Variants in CPT1C observed in about 807,000 individuals in gnomAD.
The protein encoded by CPT1C is carnitine palmitoyltransferase 1C.
A neutral mutation model predicts 97.3 loss-of-function variants in CPT1C; 61 were observed. That is an observed-to-expected ratio of 0.63 (90% CI 0.51 to 0.78). The LOEUF (loss-of-function observed/expected upper bound fraction) is 0.78. CPT1C is among the 30% of genes least tolerant of loss of function. The pLI, the probability that CPT1C is intolerant of heterozygous loss-of-function variation, is 0.00. For synonymous variants in CPT1C, 469 were observed against 447.2 expected, an observed-to-expected ratio of 1.05 and a Z score of -0.61; for missense variants, 975 against 1,065.5, an observed-to-expected ratio of 0.92 and a Z score of 1.18.
chr19:49,711,966 G>A lies in CPT1C; in HGVS notation c.2019+5G>A, dbSNP rs2083913523. ...CAGTCGCCCTTCCTGACCCAGGTTG[G>A]GGCACAGGGAAAGGGTTAGAGAGGG... On this transcript the variant is annotated splice_donor_5th_base_variant and intron_variant, in intron 17 of 19. Transcript: ENST00000598293. 1.2e-6 allele frequency: 2 copies of A among 1,613,490 alleles called. No homozygotes were observed. The highest frequency in any genetic ancestry group is 4.5e-5 in the East Asian group (2 of 44,862).
At chr19:49,700,902 A>T in intron 5 of CPT1C, 47 bp downstream of exon 5, 1 of 1,545,656 alleles carries the variant, frequency 6.5e-7, no homozygotes. Flanking sequence ...GGACCCGCTT[A>T]TCTATTCCCC....
chr19:49,691,977 G>A (rs2082373959), intron 2 of CPT1C, 88 bp downstream of exon 2: 1 of 446,194 alleles, frequency 2.2e-6, no homozygotes, highest in Non-Finnish European at 4.0e-6. Context: ...TCTGAGGGAG[G>A]AGGGGCTGGG....
At chr19:49,704,869 G>A in intron 8 of CPT1C, 82 bp downstream of exon 8, 1 of 1,448,746 alleles carries the variant, frequency 6.9e-7, no homozygotes, top group East Asian at 2.3e-5. Context: ...GTCATGCTCA[G>A]TGACCTGGAT....
In CPT1C at chr19:49,708,782, G is replaced by T. The variant is rs1214097931; in HGVS notation, c.1509G>T (p.Gly503=). ...LGYSTDGHCK[G]HPDPTLPQPQ... ...ACTCAACAGACGGCCACTGCAAGGG[G>T]CACCCGGACCCCACACTACCCCAGC... Residue 503 remains glycine (G), a synonymous_variant, in exon 14 of 20, where the codon GGG becomes GGT. Transcript: ENST00000598293. The T allele has an allele frequency of 6.2e-7, 1 of 1,613,952 alleles. No homozygotes were observed.
chr19:49,712,435 G>GCAACGGGA (rs2083953779), intron 17 of CPT1C: 2 of 420,676 alleles, frequency 4.8e-6, no homozygotes, highest in African/African-American at 2.0e-5. Context: ...AGGCGGAGAG[G>GCAACGGGA]CAACGGGACA....
At chr19:49,702,785 T>G (rs1242966570) in intron 7 of CPT1C, among the ~76,000 whole-genome samples, 1 of 151,520 alleles carries the variant, frequency 6.6e-6, no homozygotes, top group Non-Finnish European at 1.5e-5. Context: ...GGGTCAGCTT[T>G]GGTGTGGGGG....
intron 5 of CPT1C, among the ~76,000 whole-genome samples, chr19:49,701,085 A>ACCCCCGACTCTCTCTGGGTCTCTG (rs2083011789): frequency 6.5e-5 from 1 of 15,380 alleles, no homozygotes; most frequent in Non-Finnish European, 1.1e-4. Context: ...CTGGGTCTCT[A>ACCCCCGACTCTCTCTGGGTCTCTG]CCCCCGACTC....
intron 14 of CPT1C, 51 bp from the exon 15 acceptor site, chr19:49,710,269 C>T: frequency 6.3e-7 from 1 of 1,584,518 alleles, no homozygotes; most frequent in Non-Finnish European, 8.7e-7. Flanking sequence ...TGGCTTTCAC[C>T]CTACCCCCAT....
At chr19:49,691,987 G>A (rs2082374913) in intron 2 of CPT1C, 98 bp downstream of exon 2, 2 of 474,384 alleles carry the variant, frequency 4.2e-6, no homozygotes, top group Non-Finnish European at 7.5e-6. Context: ...GAGGGGCTGG[G>A]GCCTGGGCTT....
Position 49,705,937 on chromosome 19 carries a change from A to G in CPT1C, c.993A>G (p.Gln331=). 1 of 1,613,640 alleles carries G rather than the reference A, an allele frequency of 6.2e-7. No individual in the cohort carries two copies. The highest frequency in any genetic ancestry group is 8.5e-7 in the Non-Finnish European group (1 of 1,179,846). Residue 331 remains glutamine (Q), a synonymous_variant, in exon 11 of 20, where the codon CAA becomes CAG. Transcript: ENST00000598293. ...KDYIRHLHDS[Q]HVAVFHRGRF... ...ACATCCGCCACCTCCATGACAGCCA[A>G]CACGTGGCTGTCTTCCACCGGGGCC...
Position 49,712,726 on chromosome 19 carries a change from C to T in CPT1C, c.2020-10C>T. 1 of 1,604,170 alleles carries T rather than the reference C, an allele frequency of 6.2e-7. No individual in the cohort carries two copies. The highest frequency in any genetic ancestry group is 8.5e-7 in the Non-Finnish European group (1 of 1,170,946). On this transcript the variant is annotated splice_polypyrimidine_tract_variant and intron_variant, in intron 17 of 19. Transcript: ENST00000598293. ...TCTGTCCTGCACATGTGATGGGCTC[C>T]TGTCCTCAGGTCCATTCGGAGCAGT...
chr19:49,710,978 T>A lies in CPT1C; in HGVS notation c.1866+121T>A. ...AGGAGCACAAGGGACAAGGGATGAATCGGACCTGGCCTCTGACTTCAAAGA... is the reference window on the plus strand; with the variant it reads ...AGGAGCACAAGGGACAAGGGATGAAACGGACCTGGCCTCTGACTTCAAAGA... On this transcript the variant is annotated intron_variant, in intron 16 of 19. Transcript: ENST00000598293. 3.8e-6 allele frequency: 4 copies of A among 1,059,270 alleles called. No homozygotes were observed. The South Asian group carries it at 6.5e-5, about 17-fold the overall frequency. The allele number at this position is 1,059,270 out of a possible 1,614,324, so 65.6% of individuals were successfully genotyped here. A position where few individuals can be genotyped will look rare whatever the true frequency, so the allele number is the denominator to read the frequency against.
chr19:49,701,440 C>A (rs752193429), intron 6 of CPT1C, 22 bp downstream of exon 6: 3 of 1,588,330 alleles, frequency 1.9e-6, no homozygotes, highest in African/African-American at 1.3e-5. Context: ...AGCGCGCAGA[C>A]GGGCTGGGGC....
At position 49,708,767 on chromosome 19, in the gene CPT1C, C is replaced by T. The variant is rs61747405; in HGVS notation, c.1494C>T (p.Asp498=). 39,476 of 1,613,680 alleles carry T rather than the reference C, an allele frequency of 0.024. 598 individuals are homozygous for T. The highest frequency in any genetic ancestry group is 0.026 in the Non-Finnish European group (30,892 of 1,179,672). The stretch of plus-strand genomic sequence containing the variant: ...GCTTTCAGCTGGGCTACTCAACAGA[C>T]GGCCACTGCAAGGGGCACCCGGACC... The part of the protein sequence containing the change: ...TECFQLGYST[D]GHCKGHPDPT... The change falls in exon 14 of 20, where the codon GAC becomes GAT. Residue 498 remains aspartate, a synonymous_variant. Transcript: ENST00000598293.
rs1020473139 is a variant in CPT1C at position 49,691,226 on chromosome 19, C to T, written c.-198C>T. 1.3e-5 allele frequency: 2 copies of T among 151,700 alleles called. No individual in the cohort carries two copies. The highest frequency in any genetic ancestry group is 2.9e-5 in the Non-Finnish European group (2 of 67,950). 9.4% of individuals were successfully genotyped at this position (151,700 alleles called of 1,614,324 possible). A position where few individuals can be genotyped will look rare whatever the true frequency, so the allele number is the denominator to read the frequency against. ...TCGACCCGGTGGTGGACTCCTTGCA[C>T]TGGGATTGGACATATGCAAGCGGGA... On this transcript the variant is annotated 5_prime_UTR_variant, in exon 1 of 20. Coordinates refer to ENST00000598293, the MANE Select transcript of CPT1C (RefSeq NM_001199753.2).
chr19:49,694,485 C>G lies in CPT1C; in HGVS notation c.141+2092C>G, dbSNP rs557963844. The stretch of plus-strand genomic sequence containing the variant: ...CTCTACTAAAAATACAAAAATTAGC[C>G]GGGTGTGGTGGCAGGCACCTGTAAT... On this transcript the variant is annotated intron_variant, in intron 3 of 19. Transcript: ENST00000598293. Among the ~76,000 whole-genome samples the G allele has an allele frequency of 2.0e-4, 30 of 151,826 alleles. No individual in the cohort carries two copies. In the South Asian group the frequency reaches 5.8e-3, roughly 30 times the overall value.
chr19:49,712,293 G>T, intron 17 of CPT1C: 2 of 336,816 alleles, frequency 5.9e-6, no homozygotes, highest in South Asian at 6.7e-5. Flanking sequence ...GTAGTGAGCT[G>T]AGATCGCACC....
chr19:49,709,303 C>T (rs2083700962), intron 14 of CPT1C, among the ~76,000 whole-genome samples: 1 of 151,490 alleles, frequency 6.6e-6, no homozygotes, highest in African/African-American at 2.4e-5. Context: ...CTTCCAATGA[C>T]AACCCATGCC....
chr19:49,700,199 A>G (rs986728313), intron 4 of CPT1C, among the ~76,000 whole-genome samples: 1 of 151,864 alleles, frequency 6.6e-6, no homozygotes, highest in Non-Finnish European at 1.5e-5. Context: ...GTGAGCCGAG[A>G]TAGCACCACA....
Sources: gnomAD v4.1 joint callset for allele counts (sites outside exome capture counted in the v4.1 genomes callset) on GRCh38, gnomAD v4.1.1 for gene constraint, MANE v1.5 for transcripts, NCBI Gene and HGNC (gene_info 2026-07-23, HGNC 2026-07-21) for gene names.